Variants in ERBB4 observed in about 807,000 individuals in gnomAD.
The protein encoded by ERBB4 is receptor tyrosine-protein kinase erbB-4.
A neutral mutation model predicts 158.0 loss-of-function variants in ERBB4; 42 were observed. That is an observed-to-expected ratio of 0.27 (90% CI 0.21 to 0.34). The LOEUF is 0.34. Ranked by LOEUF, ERBB4 falls within the 10% of genes least tolerant of loss-of-function variation. The pLI, the probability that ERBB4 is intolerant of heterozygous loss-of-function variation, is 1.00. For missense variants in ERBB4, 1,333 were observed against 1,624.1 expected (o/e 0.82, Z 3.08); for synonymous variants, 583 against 558.7 (o/e 1.04, Z -0.61).
At chr2:211,611,735 T>C (rs1326240629) in intron 19 of ERBB4, among the ~76,000 whole-genome samples, 3 of 152,198 alleles carry the variant, frequency 2.0e-5, no homozygotes, top group Non-Finnish European at 4.4e-5. Context: ...GAAGAGATCC[T>C]GATGCACGTT....
At chr2:212,127,362 G>A (rs1459434221) in intron 1 of ERBB4, among the ~76,000 whole-genome samples, 3 of 152,198 alleles carry the variant, frequency 2.0e-5, no homozygotes, top group Non-Finnish European at 4.4e-5. Flanking sequence ...GGAGGCCAAG[G>A]TGGGCGGATC....
chr2:212,216,343 A>C (rs2083099615), intron 1 of ERBB4, among the ~76,000 whole-genome samples: 1 of 151,370 alleles, frequency 6.6e-6, no homozygotes, highest in African/African-American at 2.4e-5. Context: ...ACACACAGTA[A>C]ATCTATTTAA....
chr2:211,570,887 T>C (rs1215844890), intron 19 of ERBB4, among the ~76,000 whole-genome samples: 2 of 152,074 alleles, frequency 1.3e-5, no homozygotes, highest in African/African-American at 2.4e-5. Context: ...AAATACCTCA[T>C]TTTCACCAAA....
chr2:211,550,265 A>G (rs534841708), intron 20 of ERBB4, among the ~76,000 whole-genome samples: 2 of 152,088 alleles, frequency 1.3e-5, no homozygotes, highest in African/African-American at 4.8e-5. Context: ...AAGTCTGTAC[A>G]TTTATTCATC....
chr2:211,667,354 T>A (rs2071670354), intron 14 of ERBB4, among the ~76,000 whole-genome samples: 1 of 150,924 alleles, frequency 6.6e-6, no homozygotes, highest in Non-Finnish European at 1.5e-5. Flanking sequence ...GAAAAAGTAA[T>A]CAGGAAGAGC....
chr2:211,918,349 T>C (rs1279933145), intron 3 of ERBB4, among the ~76,000 whole-genome samples: 2 of 152,114 alleles, frequency 1.3e-5, no homozygotes, highest in Non-Finnish European at 2.9e-5. Flanking sequence ...TATACCCTTA[T>C]TCCATCCCCC....
chr2:211,788,186 T>A (rs1490756676), intron 3 of ERBB4, 27 bp from the exon 4 acceptor site: 9 of 1,591,498 alleles, frequency 5.7e-6, no homozygotes, highest in Non-Finnish European at 6.9e-6. Context: ...ATAAACAAAT[T>A]TTTTGTCAAA....
At chr2:212,225,113 C>T (rs566131565) in intron 1 of ERBB4, among the ~76,000 whole-genome samples, 1 of 151,646 alleles carries the variant, frequency 6.6e-6, no homozygotes, top group Admixed American at 6.6e-5. Context: ...TTTTATGTCC[C>T]CTTTTTCCTC....
intron 3 of ERBB4, among the ~76,000 whole-genome samples, chr2:211,906,280 A>G (rs573293511): frequency 6.6e-6 from 1 of 152,244 alleles, no homozygotes; most frequent in South Asian, 2.1e-4. Flanking sequence ...GAGTGGCAAC[A>G]TTTACTGATG....
intron 2 of ERBB4, chr2:212,124,502 T>C (rs1413639187): frequency 4.0e-6 from 2 of 504,640 alleles, no homozygotes; most frequent in African/African-American, 1.9e-5. Flanking sequence ...ATGTACTACA[T>C]GGTGACAGAA....
intron 1 of ERBB4, among the ~76,000 whole-genome samples, chr2:212,210,209 A>G (rs2082889990): frequency 2.2e-5 from 1 of 44,856 alleles, no homozygotes; most frequent in Non-Finnish European, 5.1e-5. Flanking sequence ...CAGCAATGCT[A>G]GTGCAAAAAA....
intron 2 of ERBB4, among the ~76,000 whole-genome samples, chr2:212,121,806 G>T (rs895707034): frequency 2.6e-5 from 4 of 152,046 alleles, no homozygotes; most frequent in African/African-American, 9.7e-5. Flanking sequence ...CTCTGATTCA[G>T]GGGCTTCCTT....
intron 1 of ERBB4, among the ~76,000 whole-genome samples, chr2:212,207,874 T>C (rs2082813612): frequency 6.6e-6 from 1 of 152,124 alleles, no homozygotes; most frequent in African/African-American, 2.4e-5. Context: ...GTTCCTTTCT[T>C]TCATACTGCC....
rs113821294 is a variant in ERBB4, at chr2:212,413,208, G to A, written c.82+125241C>T. Among the ~76,000 whole-genome samples, 419 of 137,642 alleles carry A rather than the reference G, an allele frequency of 3.0e-3. 3 individuals are homozygous for A. The highest frequency in any genetic ancestry group is 0.017 in the Middle Eastern group (4 of 232). 90.3% of individuals were successfully genotyped at this position (137,642 alleles called of 152,430 possible). A position where few individuals can be genotyped will look rare whatever the true frequency, so the allele number is the denominator to read the frequency against. ...TCACTATGTTGGCCAGACTGGTCTC[G>A]AACTCCTGACCTCGTGATCCGCCCG... On this transcript the variant is annotated intron_variant, in intron 1 of 27. Transcript: ENST00000342788.
At chr2:211,853,699 A>T (rs2077776796) in intron 3 of ERBB4, among the ~76,000 whole-genome samples, 3 of 152,066 alleles carry the variant, frequency 2.0e-5, no homozygotes, top group Non-Finnish European at 4.4e-5. Context: ...CATACACAAC[A>T]AAAACTCCCC....
intron 1 of ERBB4, among the ~76,000 whole-genome samples, chr2:212,441,612 A>G (rs1056650042): frequency 6.6e-6 from 1 of 152,188 alleles, no homozygotes; most frequent in Non-Finnish European, 1.5e-5. Flanking sequence ...TGGAAGGAAC[A>G]TAGAGTTGGA....
intron 2 of ERBB4, among the ~76,000 whole-genome samples, chr2:211,965,650 AAAAATAAAAT>A (rs904748486): frequency 6.6e-6 from 1 of 152,194 alleles, no homozygotes; most frequent in African/African-American, 2.4e-5. Context: ...AGGAAACTAG[AAAAATAAAAT>A]AAAATAAAAT....
chr2:212,532,493 A>C (rs895892025), intron 1 of ERBB4, among the ~76,000 whole-genome samples: 3 of 91,916 alleles, frequency 3.3e-5, no homozygotes, highest in Non-Finnish European at 6.3e-5. Context: ...AAAACCAATA[A>C]ACTTTTTTTC....
chr2:211,793,641 T>C (rs1217970977), intron 3 of ERBB4, among the ~76,000 whole-genome samples: 1 of 151,918 alleles, frequency 6.6e-6, no homozygotes, highest in Admixed American at 6.6e-5. Context: ...CAGATAATGA[T>C]ACAAAAGTAA....
Sources: allele counts gnomAD v4.1 joint callset (sites outside exome capture counted in the v4.1 genomes callset), GRCh38; gene constraint gnomAD v4.1.1; transcripts MANE v1.5; gene names NCBI Gene and HGNC (gene_info 2026-07-23, HGNC 2026-07-21).